MACROD2: variants seen among roughly 807,000 people sequenced by gnomAD.
The protein encoded by MACROD2 is ADP-ribose glycohydrolase MACROD2.
A neutral mutation model predicts 70.4 loss-of-function variants in MACROD2; 36 were observed. The ratio of observed to expected loss-of-function variants is 0.51; its 90% CI spans 0.39 to 0.68. The LOEUF is 0.68. MACROD2 is among the 30% of genes least tolerant of loss of function. The pLI is 0.00. For synonymous variants in MACROD2, 172 were observed against 178.8 expected (o/e 0.96, Z 0.30); for missense variants, 496 against 538.4 (o/e 0.92, Z 0.78).
chr20:15,613,889 C>G (rs138243395), intron 8 of MACROD2, among the ~76,000 whole-genome samples: 1 of 152,332 alleles, frequency 6.6e-6, no homozygotes, highest in Non-Finnish European at 1.5e-5. Context: ...ATCCAAATGG[C>G]ATGGATTGCT....
intron 4 of MACROD2, among the ~76,000 whole-genome samples, chr20:14,563,669 T>G (rs540618433): frequency 1.3e-5 from 2 of 152,102 alleles, no homozygotes; most frequent in East Asian, 3.9e-4. Flanking sequence ...TCAATATCAA[T>G]TCTATAATTT....
At position 15,678,282 on chromosome 20, in the gene MACROD2, T is replaced by C. The variant is rs374245386; in HGVS notation, c.645+178435T>C. On this transcript the variant is annotated intron_variant, in intron 8 of 17. Coordinates refer to ENST00000684519, the MANE Select transcript of MACROD2 (RefSeq NM_001351661.2). ...TCAGGAGGCTGAAGCAGGAGGATCC[T>C]TTGAGCCTAGGAGTTTGAGGCTACA... Among the ~76,000 whole-genome samples the C allele has an allele frequency of 2.9e-4, 44 of 151,610 alleles. No individual in the cohort carries two copies. In the South Asian group the frequency reaches 9.0e-3, roughly 31 times the overall value.
chr20:15,290,064 A>G (rs1472062676), intron 6 of MACROD2, among the ~76,000 whole-genome samples: 1 of 152,220 alleles, frequency 6.6e-6, no homozygotes, highest in Non-Finnish European at 1.5e-5. Context: ...CAATAACAAG[A>G]AGCCAGAATC....
chr20:15,914,290 A>C (rs2065279761), intron 10 of MACROD2, among the ~76,000 whole-genome samples: 1 of 152,208 alleles, frequency 6.6e-6, no homozygotes, highest in African/African-American at 2.4e-5. Context: ...TTATTAACAA[A>C]GATCTTTGGG....
chr20:15,736,025 C>G lies in MACROD2; in HGVS notation c.646-126720C>G, dbSNP rs150898024. The stretch of plus-strand genomic sequence containing the variant: ...CATGGTAGAGAGAAAGGGGCTTGGG[C>G]CCTAGCATATCTAGCCCTCACAGCT... On this transcript the variant is annotated intron_variant, in intron 8 of 17. Coordinates refer to ENST00000684519, the MANE Select transcript of MACROD2 (RefSeq NM_001351661.2). Among the ~76,000 whole-genome samples, 509 of 152,270 alleles carry G rather than the reference C, an allele frequency of 3.3e-3. 2 individuals are homozygous for G. Among genetic ancestry groups the G allele is most frequent in the African/African-American group, 0.011 (472 of 41,538 alleles).
chr20:15,638,652 G>C (rs2049406733), intron 8 of MACROD2, among the ~76,000 whole-genome samples: 1 of 152,184 alleles, frequency 6.6e-6, no homozygotes, highest in Non-Finnish European at 1.5e-5. Flanking sequence ...GACAAATCCA[G>C]ATTACAAACA....
chr20:14,674,836 A>C (rs528499376), intron 4 of MACROD2, among the ~76,000 whole-genome samples: 9 of 152,302 alleles, frequency 5.9e-5, no homozygotes, highest in African/African-American at 2.2e-4. Context: ...TGGGCTTCTG[A>C]GAGATACATA....
chr20:14,777,809 A>T (rs1048610053), intron 5 of MACROD2, among the ~76,000 whole-genome samples: 15 of 152,136 alleles, frequency 9.9e-5, no homozygotes, highest in Non-Finnish European at 2.2e-4. Flanking sequence ...ACATCCTCCC[A>T]TACCAACAGC....
chr20:16,007,238 G>A (rs1324903994), intron 15 of MACROD2, among the ~76,000 whole-genome samples: 1 of 152,212 alleles, frequency 6.6e-6, no homozygotes, highest in Non-Finnish European at 1.5e-5. Context: ...GTTTTGCATA[G>A]GAGAGTGATA....
chr20:15,459,813 C>T (rs1295537146), intron 7 of MACROD2, among the ~76,000 whole-genome samples: 1 of 151,788 alleles, frequency 6.6e-6, no homozygotes, highest in Non-Finnish European at 1.5e-5. Flanking sequence ...AGCATTTGTC[C>T]TTGTTTTTTT....
At chr20:14,333,493 A>G (rs1256702144) in intron 3 of MACROD2, among the ~76,000 whole-genome samples, 1 of 152,172 alleles carries the variant, frequency 6.6e-6, no homozygotes, top group Non-Finnish European at 1.5e-5. Context: ...ATATTAATTT[A>G]GAGAGTGGTG....
intron 2 of MACROD2, among the ~76,000 whole-genome samples, chr20:14,055,344 C>T (rs2053619818): frequency 6.6e-6 from 1 of 151,690 alleles, no homozygotes; most frequent in Admixed American, 6.6e-5. Flanking sequence ...TGATCGATTT[C>T]CAAAAATGCA....
chr20:14,965,432 G>A (rs1156372400), intron 5 of MACROD2, among the ~76,000 whole-genome samples: 2 of 149,114 alleles, frequency 1.3e-5, no homozygotes, highest in South Asian at 4.2e-4. Context: ...ACCTAGGGAC[G>A]GCTAAAAGTT....
At chr20:15,685,623 G>A (rs1443408228) in intron 8 of MACROD2, among the ~76,000 whole-genome samples, 1 of 152,186 alleles carries the variant, frequency 6.6e-6, no homozygotes, top group Non-Finnish European at 1.5e-5. Context: ...TCCTGCAGCT[G>A]TACTGAATCT....
intron 3 of MACROD2, among the ~76,000 whole-genome samples, chr20:14,213,561 A>T (rs2081589368): frequency 1.3e-5 from 2 of 151,816 alleles, no homozygotes. Context: ...TGAACCAAAT[A>T]GTTCTGTGAG....
At chr20:14,539,232 CT>C (rs1340537230) in intron 4 of MACROD2, among the ~76,000 whole-genome samples, 2 of 151,996 alleles carry the variant, frequency 1.3e-5, no homozygotes, top group Non-Finnish European at 2.9e-5. Context: ...TCATTTTTTT[CT>C]TTTATTTAGG....
chr20:15,417,381 A>T (rs1325586639), intron 6 of MACROD2, among the ~76,000 whole-genome samples: 4 of 151,788 alleles, frequency 2.6e-5, no homozygotes. Context: ...GCTTGAGCTC[A>T]GGAGTTTGAG....
chr20:14,139,961 T>TA (rs1282058639), intron 3 of MACROD2, among the ~76,000 whole-genome samples: 2 of 152,144 alleles, frequency 1.3e-5, no homozygotes, highest in Admixed American at 6.5e-5. Flanking sequence ...GGTATACACA[T>TA]AAAAAATTAA....
At chr20:14,582,952 A>T (rs778775158) in intron 4 of MACROD2, among the ~76,000 whole-genome samples, 8 of 152,106 alleles carry the variant, frequency 5.3e-5, no homozygotes, top group Non-Finnish European at 1.0e-4. Context: ...TGCACTCTTG[A>T]TCTTTTCTCT....
Sources: allele counts gnomAD v4.1 joint callset (sites outside exome capture counted in the v4.1 genomes callset), GRCh38; gene constraint gnomAD v4.1.1; transcripts MANE v1.5; gene names NCBI Gene and HGNC (gene_info 2026-07-23, HGNC 2026-07-21).